Variants in CTIF observed in about 807,000 individuals in gnomAD.
CTIF encodes the protein cap binding complex dependent translation initiation factor.
Under a neutral mutation model 66.0 loss-of-function variants are expected in CTIF, and 21 were observed. The ratio of observed to expected loss-of-function variants is 0.32; its 90% CI spans 0.23 to 0.46. The LOEUF (loss-of-function observed/expected upper bound fraction) is 0.46, where lower values mean the gene tolerates loss of function less well. Ranked by LOEUF, CTIF falls within the 20% of genes least tolerant of loss-of-function variation. The pLI is 1.00. For missense variants in CTIF, 739 were observed against 812.7 expected (o/e 0.91, Z 1.10); for synonymous variants, 345 against 326.4 (o/e 1.06, Z -0.62).
At chr18:48,730,339 TGTG>T (rs2092432748) in intron 7 of CTIF, among the ~76,000 whole-genome samples, 1 of 101,460 alleles carries the variant, frequency 9.9e-6, no homozygotes, top group Admixed American at 1.1e-4. Context: ...GCCCCTGCGG[TGTG>T]AGGGGCTCCT....
intron 7 of CTIF, among the ~76,000 whole-genome samples, chr18:48,714,388 C>T (rs2092259711): frequency 6.6e-6 from 1 of 152,178 alleles, no homozygotes; most frequent in African/African-American, 2.4e-5. Flanking sequence ...CTCCCCCCAC[C>T]ATATGAAGGG....
chr18:48,714,018 G>A (rs2092255205), intron 7 of CTIF, among the ~76,000 whole-genome samples: 1 of 152,124 alleles, frequency 6.6e-6, no homozygotes, highest in Non-Finnish European at 1.5e-5. Flanking sequence ...CTTTCAGGAG[G>A]AAAGCAGGCA....
At chr18:48,737,781 G>A (rs2092517033) in intron 7 of CTIF, among the ~76,000 whole-genome samples, 1 of 152,230 alleles carries the variant, frequency 6.6e-6, no homozygotes, top group Non-Finnish European at 1.5e-5. Context: ...AGGGGAGTTA[G>A]TAGCACTAGA....
chr18:48,819,452 ACCT>A (rs1313264522), intron 10 of CTIF, among the ~76,000 whole-genome samples: 2 of 151,946 alleles, frequency 1.3e-5, no homozygotes, highest in East Asian at 3.9e-4. Context: ...TGATCTGGAC[ACCT>A]CCTGGTGTTG....
At chr18:48,712,890 G>A (rs752600337) in intron 7 of CTIF, among the ~76,000 whole-genome samples, 1 of 152,204 alleles carries the variant, frequency 6.6e-6, no homozygotes, top group Non-Finnish European at 1.5e-5. Flanking sequence ...AAGTGGATCT[G>A]AACACATTCA....
In CTIF at chr18:48,811,901, T is replaced by C. The variant is rs1312689675; in HGVS notation, c.1372-5320T>C. 2.0e-5 allele frequency among the ~76,000 whole-genome samples: 3 copies of C among 152,254 alleles called. No homozygotes were observed. In the East Asian group the frequency reaches 5.8e-4, roughly 29 times the overall value. On this transcript the variant is annotated intron_variant, in intron 9 of 11. Coordinates refer to ENST00000256413, the MANE Select transcript of CTIF (RefSeq NM_014772.3). ...CCTGATTTCATTTCCTTTGGATATA[T>C]ACCCAGAAGTGGAATTGCTGGATCA...
intron 3 of CTIF, among the ~76,000 whole-genome samples, chr18:48,652,881 A>G (rs959210501): frequency 2.0e-5 from 3 of 152,010 alleles, no homozygotes; most frequent in African/African-American, 7.3e-5. Context: ...CAAAAACCAC[A>G]TGATTATCTC....
intron 5 of CTIF, among the ~76,000 whole-genome samples, chr18:48,669,793 TTA>T (rs57715945): frequency 0.019 from 908 of 47,046 alleles, 25 homozygotes; most frequent in African/African-American, 0.031. Flanking sequence ...AGCTAAACAT[TTA>T]TATATATATA....
chr18:48,696,215 A>G (rs2092005777), intron 6 of CTIF, among the ~76,000 whole-genome samples: 2 of 152,190 alleles, frequency 1.3e-5, no homozygotes, highest in South Asian at 4.1e-4. Context: ...GGAGTCCCCT[A>G]GTCTTTGCCT....
At chr18:48,733,506 C>G (rs2092473413) in intron 7 of CTIF, among the ~76,000 whole-genome samples, 1 of 152,166 alleles carries the variant, frequency 6.6e-6, no homozygotes, top group African/African-American at 2.4e-5. Context: ...ATGCCCAAGA[C>G]CCAGGGAACA....
chr18:48,688,627 G>C (rs1203391646), intron 6 of CTIF, among the ~76,000 whole-genome samples: 1 of 152,204 alleles, frequency 6.6e-6, no homozygotes, highest in African/African-American at 2.4e-5. Context: ...GGGAAGTGCT[G>C]GGCCAGAGGC....
chr18:48,651,100 A>T (rs1176192286), intron 3 of CTIF, among the ~76,000 whole-genome samples: 2 of 152,226 alleles, frequency 1.3e-5, no homozygotes, highest in Non-Finnish European at 2.9e-5. Flanking sequence ...CGGGCAAAAT[A>T]ACCAGCTAAC....
intron 1 of CTIF, among the ~76,000 whole-genome samples, chr18:48,544,787 C>T (rs925905113): frequency 2.0e-5 from 3 of 152,176 alleles, no homozygotes; most frequent in Non-Finnish European, 2.9e-5. Flanking sequence ...ATCCTGCAGT[C>T]GGTGCGAGCT....
chr18:48,773,703 G>A (rs1488117554), intron 9 of CTIF, among the ~76,000 whole-genome samples: 1 of 152,244 alleles, frequency 6.6e-6, no homozygotes, highest in Middle Eastern at 3.2e-3. Context: ...CTGATAGGAA[G>A]AATGGATAGA....
chr18:48,654,991 G>A (rs759130323), intron 3 of CTIF, among the ~76,000 whole-genome samples: 108 of 152,164 alleles, frequency 7.1e-4, no homozygotes, highest in Non-Finnish European at 1.1e-3. Flanking sequence ...GGGGCAGGGG[G>A]AGAGATAGCA....
At chr18:48,687,608 G>A (rs974006699) in intron 6 of CTIF, among the ~76,000 whole-genome samples, 2 of 152,186 alleles carry the variant, frequency 1.3e-5, no homozygotes, top group Non-Finnish European at 2.9e-5. Flanking sequence ...CAAGCCTCCA[G>A]AGCCCTGGGA....
At chr18:48,556,713 C>T (rs558948488) in intron 1 of CTIF, among the ~76,000 whole-genome samples, 4 of 152,246 alleles carry the variant, frequency 2.6e-5, no homozygotes, top group South Asian at 2.1e-4. Flanking sequence ...TACAGGCACG[C>T]ACCACCACAC....
At chr18:48,562,005 A>G (rs1343854865) in intron 1 of CTIF, among the ~76,000 whole-genome samples, 1 of 152,250 alleles carries the variant, frequency 6.6e-6, no homozygotes, top group Non-Finnish European at 1.5e-5. Flanking sequence ...AAAAAAGAAC[A>G]TATGGCTCAC....
chr18:48,735,148 A>T (rs1472394550), intron 7 of CTIF, among the ~76,000 whole-genome samples: 1 of 152,042 alleles, frequency 6.6e-6, no homozygotes, highest in Non-Finnish European at 1.5e-5. Flanking sequence ...AGGCCCTGTA[A>T]CTTCAGAGAA....
Sources: allele counts gnomAD v4.1 joint callset (sites outside exome capture counted in the v4.1 genomes callset), GRCh38; gene constraint gnomAD v4.1.1; transcripts MANE v1.5; gene names NCBI Gene and HGNC (gene_info 2026-07-23, HGNC 2026-07-21).